ZNF469: variants seen among roughly 807,000 people sequenced by gnomAD.
ZNF469 encodes the protein zinc finger protein 469.
In ZNF469, 1 loss-of-function variant was observed where a neutral mutation model predicts 1.0. The ratio of observed to expected loss-of-function variants is 1.00; its 90% confidence interval spans 0.35 to 4.73. The LOEUF is 4.73. ZNF469 is among the 30% of genes most tolerant of loss of function. ZNF469 has a pLI of 0.16. For synonymous variants in ZNF469, 2,703 were observed against 2,363.4 expected (o/e 1.14, Z -4.17); for missense variants, 6,100 against 5,356.3 (o/e 1.14, Z -4.33).
the ZNF469 span, among the ~76,000 whole-genome samples, chr16:88,246,476 A>C: frequency 2.6e-5 from 4 of 152,162 alleles, no homozygotes; most frequent in Non-Finnish European, 4.4e-5. Flanking sequence ...GTAGGCATCA[A>C]TCAGGCATGG....
intron 1 of ZNF469, among the ~76,000 whole-genome samples, chr16:88,404,715 G>C (rs1381645999): frequency 6.6e-6 from 1 of 152,144 alleles, no homozygotes; most frequent in Non-Finnish European, 1.5e-5. Context: ...ACCCAGAGGG[G>C]TGAGTGTGAG....
chr16:88,430,093 G>T lies in ZNF469; in HGVS notation c.2623G>T (p.Gly875Cys). The T allele has an allele frequency of 6.5e-7, 1 of 1,542,412 alleles. No homozygotes were observed. The highest frequency in any genetic ancestry group is 8.7e-7 in the Non-Finnish European group (1 of 1,146,918). Reference sequence around the variant, plus strand: ...CGTCTTCGCGGACGAGGAGCCTTCCGGCCCCAGAGGTCCCAGCTCCGGACA... The same window carrying T: ...CGTCTTCGCGGACGAGGAGCCTTCCTGCCCCAGAGGTCCCAGCTCCGGACA... ...IDVFADEEPS[G>C]PRGPSSGHPL... is the part of the protein sequence containing the mutation. Residue 875 changes from glycine (G) to cysteine (C), a missense_variant, in exon 3 of 3, where the codon GGC (glycine) becomes TGC (cysteine). Coordinates refer to ENST00000565624, the MANE Select transcript of ZNF469 (RefSeq NM_001367624.2).
At chr16:88,105,912 G>A in the ZNF469 span, among the ~76,000 whole-genome samples, 356 of 152,362 alleles carry the variant, frequency 2.3e-3, 3 homozygotes, top group African/African-American at 8.1e-3. Flanking sequence ...CACCTTGTGT[G>A]TGGACAGCAG....
At chr16:88,399,960 G>A (rs548146798) in intron 1 of ZNF469, among the ~76,000 whole-genome samples, 26 of 152,370 alleles carry the variant, frequency 1.7e-4, no homozygotes, top group Middle Eastern at 3.4e-3. Context: ...ATCCCACGCG[G>A]GTCACTCCAC....
At chr16:88,239,698 TATATATATATA>T in the ZNF469 span, among the ~76,000 whole-genome samples, 2 of 6,826 alleles carry the variant, frequency 2.9e-4, no homozygotes, top group African/African-American at 7.5e-4. Flanking sequence ...TATATATATA[TATATATATATA>T]TATATATTTT....
Position 88,432,675 on chromosome 16 carries a change from C to T in ZNF469, c.5205C>T (p.Ala1735=), listed in dbSNP as rs772934232. Residue 1735 remains alanine (A), a synonymous_variant, in exon 3 of 3, where the codon GCC becomes GCT. Coordinates refer to ENST00000565624, the MANE Select transcript of ZNF469 (RefSeq NM_001367624.2). ...AGCAGCCTGGCCCACAGCTGGATGC[C>T]GGGAGTTTAGCAAAGTGCAGCCCCG... ...PSKQPGPQLD[A]GSLAKCSPDQ... The T allele has an allele frequency of 1.8e-5, 28 of 1,550,282 alleles. No individual in the cohort carries two copies. Among genetic ancestry groups the T allele is most frequent in the South Asian group, 5.9e-5 (5 of 84,060 alleles).
the ZNF469 span, among the ~76,000 whole-genome samples, chr16:88,298,710 C>G: frequency 6.6e-6 from 1 of 152,176 alleles, no homozygotes; most frequent in Admixed American, 6.5e-5. Flanking sequence ...CCACCTTCCT[C>G]TCCCCACTCC....
At chr16:88,253,861 G>A in the ZNF469 span, among the ~76,000 whole-genome samples, 1 of 151,980 alleles carries the variant, frequency 6.6e-6, no homozygotes, top group Non-Finnish European at 1.5e-5. Flanking sequence ...TTTAACAGGT[G>A]GTTTGTCTTG....
the ZNF469 span, among the ~76,000 whole-genome samples, chr16:88,221,997 C>T: frequency 6.6e-6 from 1 of 152,248 alleles, no homozygotes; most frequent in Admixed American, 6.5e-5. Flanking sequence ...GCCACTCTCA[C>T]AGTCTCTGGG....
the ZNF469 span, among the ~76,000 whole-genome samples, chr16:88,239,704 T>C: frequency 3.0e-4 from 2 of 6,558 alleles, 1 homozygote; most frequent in Non-Finnish European, 4.7e-4. Flanking sequence ...TATATATATA[T>C]ATATATATAT....
chr16:88,365,182 C>G, the ZNF469 span, among the ~76,000 whole-genome samples: 4 of 152,194 alleles, frequency 2.6e-5, no homozygotes, highest in Non-Finnish European at 5.9e-5. Flanking sequence ...GAGCAGACCT[C>G]CAGGCATCAA....
At chr16:88,127,766 T>C in the ZNF469 span, among the ~76,000 whole-genome samples, 2 of 152,062 alleles carry the variant, frequency 1.3e-5, no homozygotes, top group Non-Finnish European at 2.9e-5. Flanking sequence ...ATGAAGAAGG[T>C]TGGATTTGGT....
chr16:88,296,594 A>G, the ZNF469 span, among the ~76,000 whole-genome samples: 1 of 151,964 alleles, frequency 6.6e-6, no homozygotes, highest in African/African-American at 2.4e-5. Flanking sequence ...ATGCACACAC[A>G]TGCACACTCA....
the ZNF469 span, among the ~76,000 whole-genome samples, chr16:88,295,515 G>A: frequency 6.6e-6 from 1 of 152,204 alleles, no homozygotes; most frequent in Non-Finnish European, 1.5e-5. Flanking sequence ...AGGGTCTGGA[G>A]AGGGCGTCAA....
In ZNF469 at chr16:88,405,898, G is replaced by A. The variant is rs576310990; in HGVS notation, c.-191-18909G>A. ...GTTAGCAACACAAGACGGTTCCTGC[G>A]TCCTCCCGACCCCCGCCCCCAAAAC... On this transcript the variant is annotated intron_variant, in intron 1 of 2. Coordinates refer to ENST00000565624, the MANE Select transcript of ZNF469 (RefSeq NM_001367624.2). Among the ~76,000 whole-genome samples, 123 of 152,210 alleles carry A rather than the reference G, an allele frequency of 8.1e-4. 1 individual carries two copies. The highest frequency in any genetic ancestry group is 1.4e-3 in the Admixed American group (21 of 15,284).
chr16:88,209,627 A>G, the ZNF469 span, among the ~76,000 whole-genome samples: 1 of 152,066 alleles, frequency 6.6e-6, no homozygotes, highest in East Asian at 1.9e-4. Context: ...GCATTGTTTT[A>G]TTTCCCCTTT....
At chr16:88,243,535 G>A in the ZNF469 span, among the ~76,000 whole-genome samples, 8 of 152,108 alleles carry the variant, frequency 5.3e-5, no homozygotes, top group South Asian at 2.1e-4. Flanking sequence ...AAGGACAAGC[G>A]AACTTGGGTT....
At chr16:88,160,436 G>A in the ZNF469 span, among the ~76,000 whole-genome samples, 4 of 152,290 alleles carry the variant, frequency 2.6e-5, no homozygotes, top group East Asian at 1.9e-4. Context: ...GCACTGGAAT[G>A]TGCTTGGGGA....
At chr16:88,214,874 G>T in the ZNF469 span, among the ~76,000 whole-genome samples, 1 of 152,138 alleles carries the variant, frequency 6.6e-6, no homozygotes, top group Non-Finnish European at 1.5e-5. Flanking sequence ...TGGTGTGTAT[G>T]TGCCACATTT....
Sources: allele counts gnomAD v4.1 joint callset (sites outside exome capture counted in the v4.1 genomes callset), GRCh38; gene constraint gnomAD v4.1.1; transcripts MANE v1.5; gene names NCBI Gene and HGNC (gene_info 2026-07-23, HGNC 2026-07-21).